Variants in MYMX observed in about 807,000 individuals in gnomAD.
MYMX encodes protein myomixer.
chr6:44,194,326 C>T, the MYMX span, among the ~76,000 whole-genome samples: 2 of 152,096 alleles, frequency 1.3e-5, no homozygotes, highest in African/African-American at 4.8e-5. Context: ...GAAGATGGGG[C>T]AAGGGGGGAA....
the MYMX span, among the ~76,000 whole-genome samples, chr6:44,193,513 G>A: frequency 2.0e-5 from 3 of 152,222 alleles, no homozygotes; most frequent in Admixed American, 1.3e-4. Flanking sequence ...TGGCAGTAGA[G>A]GAGCTGGGAT....
At chr6:44,213,721 C>G (rs1225893683), upstream of MYMX, among the ~76,000 whole-genome samples, 1 of 152,180 alleles carries the variant, frequency 6.6e-6, no homozygotes, top group Non-Finnish European at 1.5e-5. Context: ...CACCCGGTCT[C>G]TAGTATTGTT....
chr6:44,211,362 TATAAG>T, the MYMX span, among the ~76,000 whole-genome samples: 1 of 152,096 alleles, frequency 6.6e-6, no homozygotes, highest in Non-Finnish European at 1.5e-5. Flanking sequence ...TTAGGAAACT[TATAAG>T]GTATAAGAAT....
chr6:44,214,164 G>C (rs1775744317), upstream of MYMX, among the ~76,000 whole-genome samples: 1 of 152,184 alleles, frequency 6.6e-6, no homozygotes, highest in African/African-American at 2.4e-5. Context: ...TCAGGCCACT[G>C]TGTGGAAAAG....
chr6:44,216,470 T>C (rs1162984597), upstream of MYMX, among the ~76,000 whole-genome samples: 1 of 151,706 alleles, frequency 6.6e-6, no homozygotes, highest in Non-Finnish European at 1.5e-5. Flanking sequence ...ACCAACATGG[T>C]GAAACCCTGT....
the MYMX span, among the ~76,000 whole-genome samples, chr6:44,211,898 T>TC: frequency 6.7e-6 from 1 of 149,966 alleles, no homozygotes; most frequent in African/African-American, 2.4e-5. Flanking sequence ...TGCCACCTCC[T>TC]CCCCCCAAAG....
chr6:44,210,028 C>A, the MYMX span: 2 of 139,210 alleles, frequency 1.4e-5, no homozygotes, highest in Non-Finnish European at 3.1e-5. Flanking sequence ...CTCACTGGAA[C>A]CTCCGCCTCC....
chr6:44,193,321 G>A, the MYMX span, among the ~76,000 whole-genome samples: 1 of 151,834 alleles, frequency 6.6e-6, no homozygotes, highest in Non-Finnish European at 1.5e-5. Flanking sequence ...CAGGCTGGGT[G>A]TAATCCCAAA....
chr6:44,213,417 GT>G (rs1408386530), upstream of MYMX, among the ~76,000 whole-genome samples: 3 of 144,776 alleles, frequency 2.1e-5, no homozygotes, highest in Admixed American at 1.3e-4. Flanking sequence ...ATTGCAAAAC[GT>G]TTTTCTTTAC....
chr6:44,214,821 C>G (rs1344785536), upstream of MYMX, among the ~76,000 whole-genome samples: 1 of 152,174 alleles, frequency 6.6e-6, no homozygotes, highest in African/African-American at 2.4e-5. Flanking sequence ...GATCCACTCA[C>G]CTTAGCCTCC....
At chr6:44,205,991 AAC>A in the MYMX span, among the ~76,000 whole-genome samples, 3 of 91,730 alleles carry the variant, frequency 3.3e-5, 1 homozygote, top group African/African-American at 7.4e-5. Flanking sequence ...AAAAAAAAAA[AAC>A]AAAACAAAAA....
At chr6:44,195,191 G>C in the MYMX span, among the ~76,000 whole-genome samples, 1 of 151,906 alleles carries the variant, frequency 6.6e-6, no homozygotes, top group African/African-American at 2.4e-5. Flanking sequence ...GCTAATTTTT[G>C]TAATTTTAGT....
the MYMX span, among the ~76,000 whole-genome samples, chr6:44,207,722 G>A: frequency 6.6e-6 from 1 of 151,850 alleles, no homozygotes; most frequent in African/African-American, 2.4e-5. Flanking sequence ...AGTAGAGCGA[G>A]GTTTCTCCAT....
At chr6:44,195,708 A>G in the MYMX span, among the ~76,000 whole-genome samples, 1 of 152,102 alleles carries the variant, frequency 6.6e-6, no homozygotes, top group Non-Finnish European at 1.5e-5. Context: ...ATTCTTACAA[A>G]TATGTAATTT....
intron 1 of MYMX, 102 bp from the exon 2 acceptor site, chr6:44,217,348 A>G: frequency 5.0e-6 from 2 of 397,690 alleles, no homozygotes; most frequent in Non-Finnish European, 8.9e-6. Flanking sequence ...AGGAGCAGGA[A>G]GGTGTAAACT....
At chr6:44,195,913 T>C in the MYMX span, among the ~76,000 whole-genome samples, 2 of 152,172 alleles carry the variant, frequency 1.3e-5, no homozygotes, top group Non-Finnish European at 2.9e-5. Context: ...TTTGTTATTA[T>C]AAAGAACATG....
the MYMX span, among the ~76,000 whole-genome samples, chr6:44,207,465 G>A: frequency 1.3e-5 from 2 of 151,832 alleles, no homozygotes; most frequent in South Asian, 2.1e-4. Flanking sequence ...GCTGTCTCTG[G>A]GACTGAACTT....
the MYMX span, among the ~76,000 whole-genome samples, chr6:44,202,184 G>A: frequency 1.3e-5 from 2 of 152,172 alleles, no homozygotes; most frequent in African/African-American, 2.4e-5. Context: ...CTGTCACTCT[G>A]GTGGCTCTTG....
the MYMX span, among the ~76,000 whole-genome samples, chr6:44,195,532 T>C: frequency 3.9e-5 from 6 of 152,024 alleles, no homozygotes; most frequent in East Asian, 1.2e-3. Flanking sequence ...AATGGCATGA[T>C]TGTGGCTCAC....
Sources: gnomAD v4.1 joint callset for allele counts (sites outside exome capture counted in the v4.1 genomes callset) on GRCh38, gnomAD v4.1.1 for gene constraint, MANE v1.5 for transcripts, NCBI Gene and HGNC (gene_info 2026-07-23, HGNC 2026-07-21) for gene names.